RAB9B: variants seen among roughly 807,000 people sequenced by gnomAD.
The protein encoded by RAB9B is RAB9B, member RAS oncogene family, also known as ras-related protein Rab-9B.
A neutral mutation model predicts 8.9 loss-of-function variants in RAB9B; 1 was observed. The ratio of observed to expected loss-of-function variants is 0.11; its 90% CI spans 0.04 to 0.53. The LOEUF is 0.53. RAB9B is among the 20% of genes least tolerant of loss of function. RAB9B has a pLI of 0.93. For missense variants in RAB9B, 82 were observed against 152.9 expected (o/e 0.54, Z 2.45); for synonymous variants, 63 against 57.0 (o/e 1.10, Z -0.47).
the RAB9B span, among the ~76,000 whole-genome samples, chrX:103,801,690 C>T: frequency 8.9e-6 from 1 of 111,741 alleles, no homozygotes. Context: ...AGGTTAACTG[C>T]GTTACCCAAA....
chrX:103,790,532 C>T, the RAB9B span: 2 of 1,204,731 alleles, frequency 1.7e-6, no homozygotes, highest in African/African-American at 3.5e-5. Flanking sequence ...TACAGCTCAC[C>T]TTCATGATTG....
At chrX:103,826,865 T>C (rs2074685305) in intron 2 of RAB9B, 140 bp downstream of exon 2, 1 of 111,657 alleles carries the variant, frequency 9.0e-6, no homozygotes, top group African/African-American at 3.3e-5. Flanking sequence ...CATTTGAATA[T>C]AATTTTACAA....
At chrX:103,818,957 A>G (rs763041246), downstream of RAB9B, among the ~76,000 whole-genome samples, 14 of 111,692 alleles carry the variant, frequency 1.3e-4, no homozygotes, top group African/African-American at 4.2e-4. Context: ...AGCAGGGAAC[A>G]AATGGAAAAA....
chrX:103,779,704 A>G, the RAB9B span: 1 of 111,915 alleles, frequency 8.9e-6, no homozygotes, highest in African/African-American at 3.3e-5. Context: ...GACAACTGGA[A>G]CTGCTCTCTC....
the RAB9B span, chrX:103,785,472 C>T: frequency 4.4e-5 from 29 of 655,481 alleles, no homozygotes; most frequent in African/African-American, 6.5e-5. Flanking sequence ...TTTTTGACTT[C>T]GGAGTGCCCA....
intron 1 of RAB9B, among the ~76,000 whole-genome samples, chrX:103,831,516 C>A (rs1376896394): frequency 1.0e-5 from 1 of 97,659 alleles, no homozygotes; most frequent in African/African-American, 3.8e-5. Flanking sequence ...CAAAGGCACA[C>A]TAGATAGCAA....
chrX:103,811,325 G>A, the RAB9B span, among the ~76,000 whole-genome samples: 1 of 111,545 alleles, frequency 9.0e-6, no homozygotes, highest in African/African-American at 3.3e-5. Context: ...TCCATTCCAG[G>A]GAAATAGAAT....
chrX:103,802,144 CTGAGG>C, the RAB9B span, among the ~76,000 whole-genome samples: 4 of 105,981 alleles, frequency 3.8e-5, no homozygotes, highest in Non-Finnish European at 7.8e-5. Context: ...AAGTGGGTGC[CTGAGG>C]TGAGAGAGGA....
chrX:103,790,957 C>G, the RAB9B span: 50 of 253,612 alleles, frequency 2.0e-4, no homozygotes, highest in Middle Eastern at 1.3e-3. Context: ...CTGATGGAAA[C>G]AAAGTGGAAG....
chrX:103,816,763 T>C, the RAB9B span, among the ~76,000 whole-genome samples: 1 of 111,865 alleles, frequency 8.9e-6, no homozygotes, highest in Non-Finnish European at 1.9e-5. Context: ...CATCAAAAAG[T>C]GGGTGAAGGA....
At chrX:103,817,513 G>T (rs1238230159), downstream of RAB9B, among the ~76,000 whole-genome samples, 3 of 109,817 alleles carry the variant, frequency 2.7e-5, no homozygotes, top group African/African-American at 1.0e-4. Flanking sequence ...AACCACCATG[G>T]CACGTGTATA....
At chrX:103,798,918 G>A in the RAB9B span, among the ~76,000 whole-genome samples, 3 of 108,502 alleles carry the variant, frequency 2.8e-5, no homozygotes, top group African/African-American at 1.0e-4. Context: ...GGGATTACAA[G>A]CGTGAGCCAC....
the RAB9B span, chrX:103,776,390 G>A: frequency 9.0e-6 from 1 of 111,578 alleles, no homozygotes; most frequent in Non-Finnish European, 1.9e-5. Flanking sequence ...ATCGGGAGGG[G>A]AAAGGTGGAG....
In RAB9B at chrX:103,824,231, G is replaced by T. The variant is rs927857436; in HGVS notation, c.*948C>A. 1 of 112,049 alleles carries T rather than the reference G, an allele frequency of 8.9e-6. No homozygotes were observed. The highest frequency in any genetic ancestry group is 3.2e-5 in the African/African-American group (1 of 30,835). The allele number at this position is 112,049 out of a possible 1,213,427, so 9.2% of individuals were successfully genotyped here. ...GTTCCTTCTTCTGCAATAAATATTTGAGTTAAGGAGCCTTGTGAGAAAAGT... is the reference window on the plus strand; with the variant it reads ...GTTCCTTCTTCTGCAATAAATATTTTAGTTAAGGAGCCTTGTGAGAAAAGT... On this transcript the variant is annotated 3_prime_UTR_variant, in exon 3 of 3. Transcript: ENST00000243298.
rs1228372364 is a variant in RAB9B at position 103,823,131 on chromosome X, G to C, written c.*2048C>G. ...AGTATAAGCAGAGTGCAAGTAGAAAGAGAAGGCCCCAGGTCTCATGCACTT... is the reference window on the plus strand; with the variant it reads ...AGTATAAGCAGAGTGCAAGTAGAAACAGAAGGCCCCAGGTCTCATGCACTT... On this transcript the variant is annotated 3_prime_UTR_variant, in exon 3 of 3. Transcript: ENST00000243298. 1.8e-5 allele frequency: 2 copies of C among 111,452 alleles called. No homozygotes were observed. Among genetic ancestry groups the C allele is most frequent in the Non-Finnish European group, 3.8e-5 (2 of 53,072 alleles). The allele number at this position is 111,452 out of a possible 1,213,427, so 9.2% of individuals were successfully genotyped here. A position where few individuals can be genotyped will look rare whatever the true frequency, so the allele number is the denominator to read the frequency against.
the RAB9B span, chrX:103,792,720 T>C: frequency 8.9e-6 from 1 of 112,663 alleles, no homozygotes; most frequent in Non-Finnish European, 1.9e-5. Flanking sequence ...CTCATCCAAG[T>C]CATTCTCATA....
chrX:103,809,151 T>C, the RAB9B span, among the ~76,000 whole-genome samples: 1 of 108,038 alleles, frequency 9.3e-6, no homozygotes, highest in Non-Finnish European at 1.9e-5. Context: ...CAGAGCATGA[T>C]TTCTCTCTCT....
At chrX:103,782,871 G>A in the RAB9B span, among the ~76,000 whole-genome samples, 1 of 112,078 alleles carries the variant, frequency 8.9e-6, no homozygotes, top group Non-Finnish European at 1.9e-5. Context: ...AGGCTTCTTT[G>A]TCCGGGGGAG....
chrX:103,830,171 A>T (rs1164850243), intron 1 of RAB9B, among the ~76,000 whole-genome samples: 1 of 110,980 alleles, frequency 9.0e-6, no homozygotes, highest in Non-Finnish European at 1.9e-5. Context: ...AAACAAGAGC[A>T]GAATAATGAT....
Sources: gnomAD v4.1 joint callset for allele counts (sites outside exome capture counted in the v4.1 genomes callset) on GRCh38, gnomAD v4.1.1 for gene constraint, MANE v1.5 for transcripts, NCBI Gene and HGNC (gene_info 2026-07-23, HGNC 2026-07-21) for gene names.